The following TXK variants were observed in gnomAD, a reference collection of about 807,000 sequenced individuals.
The protein encoded by TXK is TXK tyrosine kinase, also known as tyrosine-protein kinase TXK.
In TXK, 60 loss-of-function variants were observed where a neutral mutation model predicts 81.0. The observed-to-expected ratio is 0.74, with a 90% CI of 0.60 to 0.92. The LOEUF (loss-of-function observed/expected upper bound fraction) is 0.92, where lower values mean the gene tolerates loss of function less well. Ranked by LOEUF, TXK falls within the 40% of genes least tolerant of loss-of-function variation. The pLI is 0.00. For missense variants in TXK, 581 were observed against 638.3 expected, an observed-to-expected ratio of 0.91 and a Z score of 0.97; for synonymous variants, 203 against 210.7, an observed-to-expected ratio of 0.96 and a Z score of 0.32.
chr4:48,112,571 T>C (rs1293300562), intron 3 of TXK, 59 bp from the exon 4 acceptor site: 2 of 1,512,614 alleles, frequency 1.3e-6, no homozygotes, highest in Non-Finnish European at 1.8e-6. Flanking sequence ...TACTAAAAAA[T>C]ATAGGGACAA....
intron 5 of TXK, among the ~76,000 whole-genome samples, chr4:48,110,180 A>C (rs1008841956): frequency 2.0e-5 from 3 of 152,222 alleles, no homozygotes; most frequent in African/African-American, 7.2e-5. Context: ...ATAAAAACAT[A>C]AGCCAAAATA....
At chr4:48,095,076 C>T (rs1717931214) in intron 7 of TXK, 67 bp downstream of exon 7, 1 of 1,323,196 alleles carries the variant, frequency 7.6e-7, no homozygotes, top group African/African-American at 1.5e-5. Flanking sequence ...CTCTCACTAA[C>T]ATTCTCTATG....
intron 6 of TXK, among the ~76,000 whole-genome samples, chr4:48,103,244 A>G (rs57619089): frequency 0.039 from 5,915 of 152,260 alleles, 374 homozygotes; most frequent in African/African-American, 0.13. Flanking sequence ...GACCAGTGTG[A>G]TAACTGTGGA....
At position 48,124,615 on chromosome 4, in the gene TXK, G is replaced by A. The variant is rs1304560032; in HGVS notation, c.16+9540C>T. On this transcript the variant is annotated intron_variant, in intron 1 of 14. Coordinates refer to ENST00000264316, the MANE Select transcript of TXK (RefSeq NM_003328.3). Reference sequence around the variant, plus strand: ...CCCAGTATTTCACAGTGTGATGCTGGCCACAGAGAAAGCTAAGCTGACCGT... The same window carrying A: ...CCCAGTATTTCACAGTGTGATGCTGACCACAGAGAAAGCTAAGCTGACCGT... 2.6e-5 allele frequency among the ~76,000 whole-genome samples: 4 copies of A among 151,720 alleles called. No homozygotes were observed. In the East Asian group the frequency reaches 7.7e-4, roughly 29 times the overall value.
In TXK at chr4:48,079,892, T is replaced by A. The variant is rs1171686113; in HGVS notation, c.1173+20A>T. Reference sequence around the variant, plus strand: ...ATAGGTATGATACAAAAAAAAAAAGTAAATTTGCACCATACTTACCAAATC... The same window carrying A: ...ATAGGTATGATACAAAAAAAAAAAGAAAATTTGCACCATACTTACCAAATC... On this transcript the variant is annotated intron_variant, in intron 11 of 14. Coordinates refer to ENST00000264316, the MANE Select transcript of TXK (RefSeq NM_003328.3). 14 of 1,570,768 alleles carry A rather than the reference T, an allele frequency of 8.9e-6. No individual in the cohort carries two copies. Among genetic ancestry groups the A allele is most frequent in the South Asian group, 7.9e-5 (7 of 88,778 alleles).
At chr4:48,099,977 G>A (rs375519142) in intron 6 of TXK, among the ~76,000 whole-genome samples, 2 of 151,696 alleles carry the variant, frequency 1.3e-5, no homozygotes, top group South Asian at 4.2e-4. Context: ...GAGGTCAGGA[G>A]ATCGAGACCA....
At chr4:48,117,340 G>A (rs542937360) in intron 1 of TXK, among the ~76,000 whole-genome samples, 4 of 152,334 alleles carry the variant, frequency 2.6e-5, no homozygotes, top group East Asian at 1.9e-4. Flanking sequence ...GGTTGCTACA[G>A]TTTTCCATTG....
intron 14 of TXK, among the ~76,000 whole-genome samples, chr4:48,069,382 A>G (rs1255970849): frequency 6.7e-6 from 1 of 149,954 alleles, no homozygotes; most frequent in Non-Finnish European, 1.5e-5. Context: ...CTGGAGTGCA[A>G]TGGTGGGATC....
Position 48,134,246 on chromosome 4 carries a change from C to T in TXK, c.-76G>A. 1 of 1,561,554 alleles carries T rather than the reference C, an allele frequency of 6.4e-7. No individual in the cohort carries two copies. The highest frequency in any genetic ancestry group is 8.8e-7 in the Non-Finnish European group (1 of 1,141,214). On this transcript the variant is annotated 5_prime_UTR_variant, in exon 1 of 15. Transcript: ENST00000264316. The stretch of plus-strand genomic sequence containing the variant: ...GCTCTACTCACAAAAACACATCTTT[C>T]AACTGAAATCATAGTTCGCTCAAGA...
chr4:48,124,483 G>A (rs551524970), intron 1 of TXK, among the ~76,000 whole-genome samples: 2 of 151,350 alleles, frequency 1.3e-5, no homozygotes, highest in South Asian at 4.2e-4. Context: ...TCAGTGCCTG[G>A]CACATAACAA....
chr4:48,076,404 T>C lies in TXK; in HGVS notation c.1236A>G (p.Thr412=). The part of the protein sequence containing the change: ...CIVKISDFGM[T]RYVLDDEYVS... ...ATATATATATACATAGCATGTACCT[T>C]GTCATTCCAAAGTCTGAAATTTTTA... The change falls in exon 12 of 15, where the codon ACA becomes ACG. Residue 412 remains threonine, a splice_region_variant and synonymous_variant. Transcript: ENST00000264316. The C allele has an allele frequency of 6.2e-7, 1 of 1,607,744 alleles. No individual in the cohort carries two copies. The highest frequency in any genetic ancestry group is 8.5e-7 in the Non-Finnish European group (1 of 1,175,320).
chr4:48,130,558 G>C (rs537766142), intron 1 of TXK, among the ~76,000 whole-genome samples: 1 of 152,258 alleles, frequency 6.6e-6, no homozygotes, highest in East Asian at 1.9e-4. Flanking sequence ...TGGTCTCAGA[G>C]GTGACGTTCC....
chr4:48,129,221 C>T (rs1719177085), intron 1 of TXK, among the ~76,000 whole-genome samples: 1 of 151,218 alleles, frequency 6.6e-6, no homozygotes, highest in South Asian at 2.1e-4. Context: ...CGTGTGTGCA[C>T]TTTTCCTTTT....
intron 1 of TXK, among the ~76,000 whole-genome samples, chr4:48,120,192 TACAC>T (rs777317362): frequency 3.2e-5 from 3 of 94,362 alleles, no homozygotes; most frequent in African/African-American, 8.2e-5. Flanking sequence ...TATATATACA[TACAC>T]ACATATATAC....
intron 11 of TXK, among the ~76,000 whole-genome samples, chr4:48,079,331 G>C (rs959040566): frequency 1.3e-5 from 2 of 152,186 alleles, no homozygotes; most frequent in African/African-American, 4.8e-5. Context: ...ACAAGATTCT[G>C]ATTCTCCTTA....
chr4:48,087,633 C>T (rs1343810157), intron 9 of TXK, among the ~76,000 whole-genome samples: 1 of 152,062 alleles, frequency 6.6e-6, no homozygotes, highest in Non-Finnish European at 1.5e-5. Flanking sequence ...CAAGGTTTCA[C>T]CATGTTGCCT....
At chr4:48,124,183 T>C (rs1190660507) in intron 1 of TXK, among the ~76,000 whole-genome samples, 5 of 152,182 alleles carry the variant, frequency 3.3e-5, no homozygotes. Flanking sequence ...TCATTCTTTA[T>C]TGTGGGGAGC....
In TXK at chr4:48,066,942, G is replaced by A. The variant is rs755983289; in HGVS notation, c.*695C>T. On this transcript the variant is annotated 3_prime_UTR_variant, in exon 15 of 15. Coordinates refer to ENST00000264316, the MANE Select transcript of TXK (RefSeq NM_003328.3). ...AATCACAGAACTAAAATCAGGTTCC[G>A]GATTTTCCTGGAAATAGAATGTCAC... 2.0e-5 allele frequency: 3 copies of A among 152,078 alleles called. No homozygotes were observed. The highest frequency in any genetic ancestry group is 4.4e-5 in the Non-Finnish European group (3 of 68,018). 9.4% of individuals were successfully genotyped at this position (152,078 alleles called of 1,614,324 possible).
intron 1 of TXK, among the ~76,000 whole-genome samples, chr4:48,125,160 G>GA (rs1376396915): frequency 6.6e-6 from 1 of 152,176 alleles, no homozygotes; most frequent in East Asian, 1.9e-4. Context: ...CATTTATCCA[G>GA]TCACATAAAA....
Sources: allele counts gnomAD v4.1 joint callset (sites outside exome capture counted in the v4.1 genomes callset), GRCh38; gene constraint gnomAD v4.1.1; transcripts MANE v1.5; gene names NCBI Gene and HGNC (gene_info 2026-07-23, HGNC 2026-07-21).